Variants in FRMD4B observed in about 807,000 individuals in gnomAD.
FRMD4B encodes FERM domain containing 4B.
In FRMD4B, 74 loss-of-function variants were observed where a neutral mutation model predicts 141.5. The observed-to-expected ratio is 0.52, with a 90% CI of 0.43 to 0.63. The LOEUF (loss-of-function observed/expected upper bound fraction) is 0.63, where lower values mean the gene tolerates loss of function less well. Ranked by LOEUF, FRMD4B falls within the 30% of genes least tolerant of loss-of-function variation. FRMD4B has a pLI of 0.00. For missense variants in FRMD4B, 1,366 were observed against 1,253.4 expected, an observed-to-expected ratio of 1.09 and a Z score of -1.36; for synonymous variants, 506 against 467.9, an observed-to-expected ratio of 1.08 and a Z score of -1.05.
At chr3:69,505,736 G>A (rs1706584313) in intron 1 of FRMD4B, among the ~76,000 whole-genome samples, 1 of 152,186 alleles carries the variant, frequency 6.6e-6, no homozygotes, top group Non-Finnish European at 1.5e-5. Flanking sequence ...AGAATTTGAA[G>A]GAAGTGAAAA....
At chr3:69,205,403 C>G (rs553668886) in intron 11 of FRMD4B, among the ~76,000 whole-genome samples, 13 of 152,234 alleles carry the variant, frequency 8.5e-5, no homozygotes, top group African/African-American at 3.1e-4. Context: ...GAGATGGGGT[C>G]TTCCTGTGTT....
chr3:69,533,673 C>G (rs1242140246), intron 1 of FRMD4B, among the ~76,000 whole-genome samples: 2 of 152,126 alleles, frequency 1.3e-5, no homozygotes, highest in Non-Finnish European at 2.9e-5. Flanking sequence ...TGAGTCTTTC[C>G]TGCAACTTCT....
intron 1 of FRMD4B, among the ~76,000 whole-genome samples, chr3:69,354,220 T>G (rs1047574266): frequency 3.9e-5 from 6 of 152,184 alleles, no homozygotes; most frequent in Non-Finnish European, 8.8e-5. Context: ...TTCATTTCAC[T>G]ATTTGCATTT....
intron 1 of FRMD4B, chr3:69,353,738 AT>A (rs1703231842): frequency 1.0e-6 from 1 of 980,770 alleles, no homozygotes; most frequent in African/African-American, 1.8e-5. Flanking sequence ...TTCCGCTGCC[AT>A]ATAATCTCAA....
intron 1 of FRMD4B, among the ~76,000 whole-genome samples, chr3:69,514,226 A>G (rs540621409): frequency 7.9e-5 from 12 of 152,344 alleles, no homozygotes; most frequent in Admixed American, 3.3e-4. Context: ...CAAAATCGAT[A>G]TAAGAAATCA....
intron 1 of FRMD4B, chr3:69,536,360 G>T: frequency 1.5e-6 from 1 of 685,816 alleles, no homozygotes; most frequent in Non-Finnish European, 2.6e-6. Flanking sequence ...TCGGAGTTGA[G>T]GGGCCTGGCG....
At chr3:69,332,114 C>T (rs1702388947) in intron 1 of FRMD4B, among the ~76,000 whole-genome samples, 2 of 152,010 alleles carry the variant, frequency 1.3e-5, no homozygotes, top group South Asian at 4.1e-4. Flanking sequence ...CAAAAAAACA[C>T]CAAGCAATTG....
chr3:69,455,129 GGACCAATCAGCTCTCTGTAAAACA>G lies in FRMD4B; in HGVS notation c.-128-22392_-128-22369del, dbSNP rs1171381288. 4.6e-5 allele frequency among the ~76,000 whole-genome samples: 7 copies of G among 152,088 alleles called. No individual in the cohort carries two copies. The East Asian group carries it at 5.8e-4, about 13-fold the overall frequency. On this transcript the variant is annotated intron_variant, in intron 1 of 5. Coordinates refer to the FRMD4B transcript ENST00000459638. ...GCACCAATCAGCACCCTATCAAAAT[GGACCAATCAGCTCTCTGTAAAACA>G]GACCAATCAGCTCTCTGTAAAATGG...
chr3:69,315,249 T>C (rs533107488), intron 1 of FRMD4B, among the ~76,000 whole-genome samples: 14 of 152,304 alleles, frequency 9.2e-5, no homozygotes, highest in Admixed American at 7.8e-4. Flanking sequence ...ATGCATAGAA[T>C]GCCAAGATAC....
At chr3:69,410,659 T>C (rs1042568185) in intron 2 of FRMD4B, among the ~76,000 whole-genome samples, 1 of 144,486 alleles carries the variant, frequency 6.9e-6, no homozygotes, top group Non-Finnish European at 1.5e-5. Flanking sequence ...CTTCTCTTAA[T>C]AAAAGTAATG....
intron 1 of FRMD4B, among the ~76,000 whole-genome samples, chr3:69,367,460 T>C (rs1177724512): frequency 6.6e-6 from 1 of 152,224 alleles, no homozygotes; most frequent in African/African-American, 2.4e-5. Flanking sequence ...CATACATATA[T>C]ACATACACAT....
At chr3:69,323,394 C>T (rs1365652441) in intron 1 of FRMD4B, among the ~76,000 whole-genome samples, 1 of 151,380 alleles carries the variant, frequency 6.6e-6, no homozygotes, top group Non-Finnish European at 1.5e-5. Context: ...TGGTGAAACC[C>T]CCTCTCTACT....
At position 69,226,197 on chromosome 3, in the gene FRMD4B, A is replaced by G. The variant is rs1350131571; in HGVS notation, c.582-1507T>C. ...CTTTCCAAATTACTACAGGAAATAA[A>G]AAGTCACTTGGCTCCTGTTCTTACA... On this transcript the variant is annotated intron_variant, in intron 7 of 22. Coordinates refer to ENST00000398540, the MANE Select transcript of FRMD4B (RefSeq NM_015123.3). 3.3e-5 allele frequency among the ~76,000 whole-genome samples: 5 copies of G among 152,204 alleles called. No individual in the cohort carries two copies. The South Asian group carries it at 1.0e-3, about 32-fold the overall frequency.
chr3:69,436,002 C>A (rs966077118), intron 1 of FRMD4B, among the ~76,000 whole-genome samples: 2 of 152,170 alleles, frequency 1.3e-5, no homozygotes, highest in African/African-American at 4.8e-5. Flanking sequence ...GAATCACTCT[C>A]AGCATAAGAG....
In FRMD4B at chr3:69,410,721, A is replaced by T. The variant is rs531051457; in HGVS notation, c.-1+21913T>A. Among the ~76,000 whole-genome samples the T allele has an allele frequency of 8.7e-5, 6 of 68,702 alleles. No individual in the cohort carries two copies. The South Asian group carries it at 3.9e-3, about 44-fold the overall frequency. 45.1% of individuals were successfully genotyped at this position (68,702 alleles called of 152,430 possible). ...AAAAGAAATATATAAATAAATAAAT[A>T]AATAAATATATATATATATATATAT... On this transcript the variant is annotated intron_variant, in intron 2 of 5. Coordinates refer to the FRMD4B transcript ENST00000459638.
chr3:69,173,468 C>T (rs771138886), intron 22 of FRMD4B, among the ~76,000 whole-genome samples: 2 of 152,062 alleles, frequency 1.3e-5, no homozygotes, highest in South Asian at 2.1e-4. Flanking sequence ...TTTGGCTTAA[C>T]GGGAAAATCT....
chr3:69,323,455 C>G (rs1366953413), intron 1 of FRMD4B, among the ~76,000 whole-genome samples: 2 of 151,568 alleles, frequency 1.3e-5, no homozygotes, highest in Non-Finnish European at 2.9e-5. Flanking sequence ...GTAATCCCAG[C>G]TACTTGGGAG....
At chr3:69,245,352 TG>T (rs2093416841) in intron 7 of FRMD4B, among the ~76,000 whole-genome samples, 2 of 149,878 alleles carry the variant, frequency 1.3e-5, no homozygotes, top group East Asian at 1.9e-4. Context: ...TGTGTGTGTG[TG>T]TTTTTAGACA....
At chr3:69,365,597 A>C (rs971146803) in intron 1 of FRMD4B, among the ~76,000 whole-genome samples, 1 of 139,222 alleles carries the variant, frequency 7.2e-6, no homozygotes, top group South Asian at 2.2e-4. Flanking sequence ...CTGCCTCCCG[A>C]ATCAAGCAAT....
Sources: allele counts gnomAD v4.1 joint callset (sites outside exome capture counted in the v4.1 genomes callset), GRCh38; gene constraint gnomAD v4.1.1; transcripts MANE v1.5; gene names NCBI Gene and HGNC (gene_info 2026-07-23, HGNC 2026-07-21).